The following CCNE2 variants were observed in gnomAD, a reference collection of about 807,000 sequenced individuals.
The protein encoded by CCNE2 is cyclin E2, also known as G1/S-specific cyclin-E2.
A neutral mutation model predicts 56.8 loss-of-function variants in CCNE2; 18 were observed. That is an observed-to-expected ratio of 0.32 (90% confidence interval 0.22 to 0.47). The LOEUF (loss-of-function observed/expected upper bound fraction) is 0.47, where lower values mean the gene tolerates loss of function less well. Among genes scored for constraint, CCNE2 ranks in the 20% least tolerant of loss-of-function variants. The pLI is 1.00. For missense variants in CCNE2, 371 were observed against 467.1 expected (o/e 0.79, Z 1.90); for synonymous variants, 139 against 149.2 (o/e 0.93, Z 0.50).
At chr8:94,890,340 C>T (rs1817185003) in intron 6 of CCNE2, 75 bp downstream of exon 6, 4 of 1,217,668 alleles carry the variant, frequency 3.3e-6, no homozygotes, top group South Asian at 4.1e-5. Context: ...CTTGAGAGTA[C>T]ATAGAAAGCA....
chr8:94,886,316 T>C (rs374431390), intron 7 of CCNE2, among the ~76,000 whole-genome samples: 1 of 152,222 alleles, frequency 6.6e-6, no homozygotes, highest in South Asian at 2.1e-4. Context: ...GAATTGACTT[T>C]GAATTTTCAT....
Position 94,894,033 on chromosome 8 carries a change from T to A in CCNE2, c.101A>T (p.Lys34Ile). The change falls in exon 3 of 12, where the codon AAA becomes ATA. Residue 34 changes from lysine (K) to isoleucine (I), a missense_variant. Physicochemically the swap from Lys to Ile is moderately radical, Grantham distance 102. Coordinates refer to ENST00000308108, the MANE Select transcript of CCNE2 (RefSeq NM_057749.3). ...TTCTCCTTAAATCACCTGGGTAGTTTTCCTCTTCTTGGCCTGGATTATCTG... is the reference window on the plus strand; with the variant it reads ...TTCTCCTTAAATCACCTGGGTAGTTATCCTCTTCTTGGCCTGGATTATCTG... The part of the protein sequence containing the change: ...EAQIIQAKKR[K>I]TTQDVKKRRE... 11 of 1,613,940 alleles carry A rather than the reference T, an allele frequency of 6.8e-6. No homozygotes were observed. Among genetic ancestry groups the A allele is most frequent in the Non-Finnish European group, 9.3e-6 (11 of 1,179,962 alleles).
rs1563680953 is a variant in CCNE2 at position 94,885,451 on chromosome 8, AATT to A, written c.696+9_696+11del. The A allele has an allele frequency of 6.7e-6, 10 of 1,487,848 alleles. No individual in the cohort carries two copies. In the South Asian group the frequency reaches 1.1e-4, roughly 16 times the overall value. The allele number at this position is 1,487,848 out of a possible 1,614,324, so 92.2% of individuals were successfully genotyped here. ...TTCTTTTTTGCAACTAGGAAAACATAATTATTATTACCTTTAATATAATGAGTT... is the reference window on the plus strand; with the variant it reads ...TTCTTTTTTGCAACTAGGAAAACATAATTATTACCTTTAATATAATGAGTT... On this transcript the variant is annotated intron_variant, in intron 8 of 11. Coordinates refer to ENST00000308108, the MANE Select transcript of CCNE2 (RefSeq NM_057749.3).
chr8:94,886,763 T>C, intron 7 of CCNE2, among the ~76,000 whole-genome samples: 1 of 152,154 alleles, frequency 6.6e-6, no homozygotes, highest in Admixed American at 6.5e-5. Context: ...TTTACCCTAG[T>C]ACAAAAATAC....
At position 94,880,757 on chromosome 8, in the gene CCNE2, A is replaced by G. The variant is rs1471889621; in HGVS notation, c.*875T>C. The G allele has an allele frequency of 2.5e-6, 1 of 397,580 alleles. No individual in the cohort carries two copies. The highest frequency in any genetic ancestry group is 4.4e-5 in the Admixed American group (1 of 22,702). 24.6% of individuals were successfully genotyped at this position (397,580 alleles called of 1,614,324 possible). A position where few individuals can be genotyped will look rare whatever the true frequency, so the allele number is the denominator to read the frequency against. On this transcript the variant is annotated 3_prime_UTR_variant, in exon 12 of 12. Coordinates refer to ENST00000308108, the MANE Select transcript of CCNE2 (RefSeq NM_057749.3). ...CAAACATAAATAAAGCCTTAGTCACACTAAATTAAAAAAAAAAATTCCTTA... is the reference window on the plus strand; with the variant it reads ...CAAACATAAATAAAGCCTTAGTCACGCTAAATTAAAAAAAAAAATTCCTTA...
intron 4 of CCNE2, 55 bp from the exon 5 acceptor site, chr8:94,893,024 GTAATGGAT>G: frequency 7.3e-7 from 1 of 1,365,238 alleles, no homozygotes. Context: ...CTTAGTTTTT[GTAATGGAT>G]CTTTCATAAA....
Position 94,885,443 on chromosome 8 carries a change from G to A in CCNE2, c.696+20C>T, listed in dbSNP as rs1339481305. 2 of 1,447,378 alleles carry A rather than the reference G, an allele frequency of 1.4e-6. No homozygotes were observed. Among genetic ancestry groups the A allele is most frequent in the Non-Finnish European group, 1.9e-6 (2 of 1,049,586 alleles). The allele number at this position is 1,447,378 out of a possible 1,614,324, so 89.7% of individuals were successfully genotyped here. On this transcript the variant is annotated intron_variant, in intron 8 of 11. Transcript: ENST00000308108. The stretch of plus-strand genomic sequence containing the variant: ...AACATGGTTTCTTTTTTGCAACTAG[G>A]AAAACATAATTATTATTACCTTTAA...
chr8:94,894,198 A>C lies in CCNE2; in HGVS notation c.14+10T>G, dbSNP rs1019702631. ...AATTTGAAACATGTCTCTAAGACAG[A>C]TAATGTTACCTTCGTCTTGACATTC... On this transcript the variant is annotated intron_variant, in intron 2 of 11. Transcript: ENST00000308108. 3 of 1,614,016 alleles carry C rather than the reference A, an allele frequency of 1.9e-6. No homozygotes were observed. Among genetic ancestry groups the C allele is most frequent in the Non-Finnish European group, 2.5e-6 (3 of 1,179,958 alleles).
chr8:94,882,181 A>T lies in CCNE2; in HGVS notation c.1052T>A (p.Met351Lys), dbSNP rs775356601. ...VKLKTFKKIP[M>K]EDRHNIQTHT... Reference sequence around the variant, plus strand: ...TGTCTGGATATTATGTCTGTCTTCCATAGGAATCTTCTTAAAAGTCTTCAG... The same window carrying T: ...TGTCTGGATATTATGTCTGTCTTCCTTAGGAATCTTCTTAAAAGTCTTCAG... Residue 351 changes from methionine (M) to lysine (K), a missense_variant, in exon 11 of 12, where the codon ATG (methionine) becomes AAG (lysine). Met to Lys is a moderately conservative substitution (Grantham distance 95). Coordinates refer to ENST00000308108, the MANE Select transcript of CCNE2 (RefSeq NM_057749.3). 1.9e-6 allele frequency: 3 copies of T among 1,613,552 alleles called. No individual in the cohort carries two copies. The Admixed American group carries it at 5.0e-5, about 27-fold the overall frequency.
At chr8:94,884,288 C>G (rs1816947210) in intron 9 of CCNE2, among the ~76,000 whole-genome samples, 1 of 151,740 alleles carries the variant, frequency 6.6e-6, no homozygotes, top group South Asian at 2.1e-4. Flanking sequence ...ATGGCAGATA[C>G]AGCAGCCTTA....
At chr8:94,895,383 A>C, upstream of CCNE2, 2 of 394,288 alleles carry the variant, frequency 5.1e-6, no homozygotes, top group Non-Finnish European at 6.9e-6. Flanking sequence ...GGTCCACTCT[A>C]CCGGGCCTTC....
At chr8:94,884,757 T>C (rs141124971) in intron 9 of CCNE2, 105 of 218,086 alleles carry the variant, frequency 4.8e-4, no homozygotes, top group Non-Finnish European at 8.4e-4. Flanking sequence ...TACAGAATAA[T>C]TCTATGCCAT....
chr8:94,885,783 A>G (rs1817016826), intron 7 of CCNE2, among the ~76,000 whole-genome samples: 2 of 145,824 alleles, frequency 1.4e-5, no homozygotes, highest in African/African-American at 5.1e-5. Context: ...CAGTGGTGCA[A>G]TCTTGGCTCA....
chr8:94,881,425 T>C lies in CCNE2; in HGVS notation c.*207A>G. ...TGAAGACATCTTTGTAAACAAGTCC[T>C]GCTGTTTCTTTAACAGCTAACATAG... On this transcript the variant is annotated 3_prime_UTR_variant, in exon 12 of 12. Coordinates refer to ENST00000308108, the MANE Select transcript of CCNE2 (RefSeq NM_057749.3). The C allele has an allele frequency of 5.4e-6, 3 of 551,566 alleles. No individual in the cohort carries two copies. Among genetic ancestry groups the C allele is most frequent in the Non-Finnish European group, 9.5e-6 (3 of 316,796 alleles). The allele number at this position is 551,566 out of a possible 1,614,324, so 34.2% of individuals were successfully genotyped here.
At chr8:94,885,309 G>T in intron 8 of CCNE2, 108 bp from the exon 9 acceptor site, 1 of 1,192,728 alleles carries the variant, frequency 8.4e-7, no homozygotes, top group Non-Finnish European at 1.2e-6. Context: ...CATAACCATT[G>T]TCAATATTTT....
chr8:94,880,316 A>G lies in CCNE2; in HGVS notation c.*1316T>C. On this transcript the variant is annotated 3_prime_UTR_variant, in exon 12 of 12. Coordinates refer to ENST00000308108, the MANE Select transcript of CCNE2 (RefSeq NM_057749.3). The stretch of plus-strand genomic sequence containing the variant: ...TTAAAAGGTTAAGTTTATATAATAC[A>G]TATGTACACAATTAGTGGTGTTTTC... The G allele has an allele frequency of 1.5e-6, 1 of 681,852 alleles. No individual in the cohort carries two copies. Among genetic ancestry groups the G allele is most frequent in the Non-Finnish European group, 2.5e-6 (1 of 399,086 alleles). The allele number at this position is 681,852 out of a possible 1,614,324, so 42.2% of individuals were successfully genotyped here. A position where few individuals can be genotyped will look rare whatever the true frequency, so the allele number is the denominator to read the frequency against.
chr8:94,895,781 T>C (rs375892078), upstream of CCNE2: 5 of 152,212 alleles, frequency 3.3e-5, no homozygotes, highest in African/African-American at 9.7e-5. Context: ...CAACGTGGAG[T>C]GGCTGCAGAA....
intron 4 of CCNE2, 120 bp from the exon 5 acceptor site, chr8:94,893,089 G>A (rs540356616): frequency 2.8e-6 from 2 of 715,794 alleles, no homozygotes; most frequent in South Asian, 2.2e-5. Context: ...TAACATAGAT[G>A]GCAATATAGC....
intron 3 of CCNE2, 24 bp from the exon 4 acceptor site, chr8:94,893,968 GTAAAC>G: frequency 6.2e-7 from 1 of 1,613,652 alleles, no homozygotes; most frequent in East Asian, 2.2e-5. Flanking sequence ...AAGACCATTG[GTAAAC>G]TAAAGTCCCA....
Sources: gnomAD v4.1 joint callset for allele counts (sites outside exome capture counted in the v4.1 genomes callset) on GRCh38, gnomAD v4.1.1 for gene constraint, MANE v1.5 for transcripts, NCBI Gene and HGNC (gene_info 2026-07-23, HGNC 2026-07-21) for gene names.